SLC25A23: variants seen among roughly 807,000 people sequenced by gnomAD.
SLC25A23 encodes the protein mitochondrial adenyl nucleotide antiporter SLC25A23.
Under a neutral mutation model 53.9 loss-of-function variants are expected in SLC25A23, and 32 were observed. The ratio of observed to expected loss-of-function variants is 0.59; its 90% confidence interval spans 0.45 to 0.80. The LOEUF (loss-of-function observed/expected upper bound fraction) is 0.80, where lower values mean the gene tolerates loss of function less well. Among genes scored for constraint, SLC25A23 ranks in the 30% least tolerant of loss-of-function variants. The probability of loss-of-function intolerance (pLI) is 0.00; values close to 1 mark genes in which losing one functional copy is unlikely to be tolerated. For synonymous variants in SLC25A23, 275 were observed against 264.5 expected (o/e 1.04, Z -0.38); for missense variants, 575 against 651.4 (o/e 0.88, Z 1.28).
downstream of SLC25A23, chr19:6,436,250 AAG>A (rs2144681520): frequency 6.1e-6 from 2 of 326,520 alleles, no homozygotes; most frequent in African/African-American, 4.3e-5. Context: ...TTTGAAGTAT[AAG>A]AGTCTAAGAT....
chr19:6,438,680 C>T (rs1299752326), downstream of SLC25A23: 17 of 199,674 alleles, frequency 8.5e-5, no homozygotes, highest in South Asian at 9.1e-4. Flanking sequence ...AATACCTGGT[C>T]TCTACTAAAA....
chr19:6,436,108 G>A (rs2144680007), downstream of SLC25A23: 1 of 217,374 alleles, frequency 4.6e-6, no homozygotes, highest in South Asian at 7.2e-5. Flanking sequence ...GTATTAGCCA[G>A]CTGTTGCCAT....
At chr19:6,451,268 A>C (rs2092585446) in intron 8 of SLC25A23, among the ~76,000 whole-genome samples, 1 of 151,258 alleles carries the variant, frequency 6.6e-6, no homozygotes, top group East Asian at 1.9e-4. Context: ...GCATGCCTGT[A>C]ATCCCAGCTA....
intron 1 of SLC25A23, 100 bp from the exon 2 acceptor site, chr19:6,458,424 G>T: frequency 7.3e-7 from 1 of 1,365,896 alleles, no homozygotes. Context: ...AGCCCCCAGC[G>T]CCTTGAGGAA....
chr19:6,446,939 G>A (rs932725573), intron 8 of SLC25A23, among the ~76,000 whole-genome samples: 1 of 152,126 alleles, frequency 6.6e-6, no homozygotes, highest in Non-Finnish European at 1.5e-5. Context: ...AGACAGCCAG[G>A]TGACAGCGGA....
intron 8 of SLC25A23, among the ~76,000 whole-genome samples, chr19:6,451,539 G>T (rs73920669): frequency 0.011 from 1,625 of 152,280 alleles, 33 homozygotes; most frequent in African/African-American, 0.038. Context: ...CAAAGATTTT[G>T]GGGGGAACGC....
chr19:6,455,988 G>A (rs1216683143), intron 4 of SLC25A23: 1 of 1,290,658 alleles, frequency 7.7e-7, no homozygotes. Flanking sequence ...CAAAGTGCTG[G>A]GATTTTAGGT....
At chr19:6,445,032 G>C (rs111415904) in intron 8 of SLC25A23, among the ~76,000 whole-genome samples, 3,590 of 152,014 alleles carry the variant, frequency 0.024, 161 homozygotes, top group African/African-American at 0.083. Context: ...CGAACTCCTG[G>C]GCTCAAGCGA....
Position 6,454,328 on chromosome 19 carries a change from C to A in SLC25A23, c.790G>T (p.Glu264Ter). The A allele has an allele frequency of 1.2e-6, 2 of 1,613,666 alleles. No homozygotes were observed. Among genetic ancestry groups the A allele is most frequent in the Non-Finnish European group, 1.7e-6 (2 of 1,179,738 alleles). ...CTCCCTGTACCTGCCCTCACCTGTT[C>A]ATAGGCCATGAACTTGATAGCTGAC... is the stretch of plus-strand genomic sequence containing the variant. ...PESAIKFMAY[E>*]QIKRAILGQQ... Residue 264 changes from glutamate (E) to a stop codon, truncating the protein, a stop_gained, in exon 6 of 10, where the codon GAA becomes TAA. Transcript: ENST00000301454. LOFTEE classifies it high-confidence loss of function. The surrounding 1 kb of genome is among the most constrained non-coding windows in gnomAD (Gnocchi z 4.3).
intron 8 of SLC25A23, among the ~76,000 whole-genome samples, chr19:6,445,114 C>CT (rs200927092): frequency 6.7e-5 from 10 of 148,158 alleles, no homozygotes; most frequent in South Asian, 2.2e-4. Flanking sequence ...AAGGCCCCTT[C>CT]TTTTTTTTTT....
At chr19:6,448,902 T>C (rs575474233) in intron 8 of SLC25A23, among the ~76,000 whole-genome samples, 1 of 150,294 alleles carries the variant, frequency 6.7e-6, no homozygotes, top group South Asian at 2.2e-4. Flanking sequence ...CGCACACCTG[T>C]AATCCCAGCT....
At chr19:6,444,431 C>T (rs1022460312) in intron 8 of SLC25A23, 130 bp from the exon 9 acceptor site, 67 of 976,834 alleles carry the variant, frequency 6.9e-5, no homozygotes, top group Non-Finnish European at 9.2e-5. Flanking sequence ...TCCTAGGGGC[C>T]GGGCCAGCCC....
chr19:6,436,354 A>G (rs2092314754), downstream of SLC25A23: 1 of 452,094 alleles, frequency 2.2e-6, no homozygotes, highest in African/African-American at 2.0e-5. Flanking sequence ...AATTGCAGTG[A>G]GATGTTGGCC....
intron 3 of SLC25A23, among the ~76,000 whole-genome samples, chr19:6,456,799 C>T (rs2092688222): frequency 6.6e-6 from 1 of 152,144 alleles, no homozygotes; most frequent in Non-Finnish European, 1.5e-5. Flanking sequence ...CCTGCCTCAG[C>T]CTCCCATGTA....
Position 6,446,315 on chromosome 19 carries a change from A to G in SLC25A23, c.1072-2014T>C, listed in dbSNP as rs547787526. On this transcript the variant is annotated intron_variant, in intron 8 of 9. Transcript: ENST00000301454. ...GAGGCGGAGGTTGCAGCGAGGCAAGATCACACCACTGCACTCCAGCCTGGG... is the reference window on the plus strand; with the variant it reads ...GAGGCGGAGGTTGCAGCGAGGCAAGGTCACACCACTGCACTCCAGCCTGGG... 2.7e-5 allele frequency among the ~76,000 whole-genome samples: 4 copies of G among 150,070 alleles called. No homozygotes were observed. The East Asian group carries it at 8.0e-4, about 30-fold the overall frequency.
At chr19:6,455,008 G>C (rs1451632974) in intron 4 of SLC25A23, among the ~76,000 whole-genome samples, 3 of 152,114 alleles carry the variant, frequency 2.0e-5, no homozygotes, top group African/African-American at 7.2e-5. Context: ...ATCCCTCCAG[G>C]CTAGATGTGA....
intron 8 of SLC25A23, among the ~76,000 whole-genome samples, chr19:6,446,736 G>A (rs756032659): frequency 2.6e-5 from 4 of 152,122 alleles, no homozygotes; most frequent in African/African-American, 7.2e-5. Flanking sequence ...ATACTGTTAC[G>A]GGTTGAATCA....
downstream of SLC25A23, chr19:6,438,430 G>A (rs1240597180): frequency 6.5e-6 from 1 of 152,848 alleles, no homozygotes; most frequent in Non-Finnish European, 1.5e-5. Context: ...GAACACCAAG[G>A]ACCATGTGGC....
intron 4 of SLC25A23, chr19:6,455,999 G>T: frequency 7.7e-7 from 1 of 1,293,938 alleles, no homozygotes; most frequent in Non-Finnish European, 1.0e-6. Context: ...GATTTTAGGT[G>T]TGAGCCACTG....
Sources: allele counts gnomAD v4.1 joint callset (sites outside exome capture counted in the v4.1 genomes callset), GRCh38; gene constraint gnomAD v4.1.1; non-coding constraint Gnocchi (gnomAD v3.1); transcripts MANE v1.5; gene names NCBI Gene and HGNC (gene_info 2026-07-23, HGNC 2026-07-21).